The following SLC25A25 variants were observed in gnomAD, a reference collection of about 807,000 sequenced individuals.
The protein encoded by SLC25A25 is solute carrier family 25 member 25, also known as mitochondrial adenyl nucleotide antiporter SLC25A25.
A neutral mutation model predicts 57.7 loss-of-function variants in SLC25A25; 32 were observed. That is an observed-to-expected ratio of 0.55 (90% CI 0.42 to 0.74). The LOEUF is 0.74. SLC25A25 is among the 30% of genes least tolerant of loss of function. The pLI is 0.00. For synonymous variants in SLC25A25, 306 were observed against 291.2 expected (o/e 1.05, Z -0.52); for missense variants, 556 against 701.3 (o/e 0.79, Z 2.34).
intron 1 of SLC25A25, among the ~76,000 whole-genome samples, chr9:128,093,537 G>T (rs920951317): frequency 6.6e-6 from 1 of 152,226 alleles, no homozygotes; most frequent in Non-Finnish European, 1.5e-5. Context: ...TTCCTGGCCT[G>T]CAGAATCAAG....
At chr9:128,087,140 G>T (rs1314595446) in intron 1 of SLC25A25, among the ~76,000 whole-genome samples, 1 of 150,180 alleles carries the variant, frequency 6.7e-6, no homozygotes, top group South Asian at 2.2e-4. Context: ...GCTTGAACCC[G>T]GAAGGCAGAG....
intron 1 of SLC25A25, among the ~76,000 whole-genome samples, chr9:128,088,886 CTT>C (rs928814094): frequency 5.3e-5 from 8 of 152,128 alleles, no homozygotes; most frequent in South Asian, 2.1e-4. Context: ...TCTGGCCAGA[CTT>C]TCTGTGCCTA....
At chr9:128,069,156 C>T (rs1015252047) in intron 1 of SLC25A25, among the ~76,000 whole-genome samples, 18 of 152,326 alleles carry the variant, frequency 1.2e-4, no homozygotes, top group African/African-American at 4.1e-4. Flanking sequence ...ATCGTGATCC[C>T]CGCGGGGTTG....
chr9:128,099,847 A>G lies in SLC25A25; in HGVS notation c.262-1249A>G, dbSNP rs1468547040. ...GCTAGCCAGTGGGCCATCCATTTCC[A>G]AACCCCAGCTGGCTGTCAGTTGATT... On this transcript the variant is annotated intron_variant, in intron 1 of 10. Coordinates refer to ENST00000373069, the MANE Select transcript of SLC25A25 (RefSeq NM_001330988.2). This position sits in a 1 kb window ranked among gnomAD's most constrained non-coding sequence, Gnocchi z 6.8. Among the ~76,000 whole-genome samples, 1 of 152,160 alleles carries G rather than the reference A, an allele frequency of 6.6e-6. No individual in the cohort carries two copies. The highest frequency in any genetic ancestry group is 1.5e-5 in the Non-Finnish European group (1 of 68,040).
chr9:128,078,791 C>G (rs2023028996), intron 1 of SLC25A25, among the ~76,000 whole-genome samples: 2 of 152,186 alleles, frequency 1.3e-5, no homozygotes, highest in Admixed American at 6.5e-5. Context: ...GCTTGGAGGC[C>G]AAGCCAGTTC....
intron 1 of SLC25A25, among the ~76,000 whole-genome samples, chr9:128,080,236 A>C (rs1337815770): frequency 3.5e-5 from 2 of 56,626 alleles, no homozygotes; most frequent in Non-Finnish European, 5.4e-5. Context: ...ATCTAAAAAA[A>C]AAAAACAAAA....
At chr9:128,098,748 A>T (rs762117181) in intron 1 of SLC25A25, 1 of 1,612,212 alleles carries the variant, frequency 6.2e-7, no homozygotes, top group Non-Finnish European at 8.5e-7. Context: ...ACCGCGCGGA[A>T]GGGAGAGGCG....
At chr9:128,069,747 A>C (rs960478521) in intron 1 of SLC25A25, among the ~76,000 whole-genome samples, 4 of 151,994 alleles carry the variant, frequency 2.6e-5, no homozygotes, top group Admixed American at 2.0e-4. Flanking sequence ...TTTAGAGACA[A>C]GTTTTTTTTG....
chr9:128,088,955 C>T (rs1314263718), intron 1 of SLC25A25, among the ~76,000 whole-genome samples: 1 of 152,180 alleles, frequency 6.6e-6, no homozygotes, highest in Non-Finnish European at 1.5e-5. Context: ...GGCAGGGTCT[C>T]ACTCTGTCAG....
chr9:128,098,564 A>C (rs1378905943), intron 1 of SLC25A25: 1 of 1,611,008 alleles, frequency 6.2e-7, no homozygotes, highest in East Asian at 2.2e-5. Context: ...GCAGGCCGCC[A>C]ACATGCTCTG....
At chr9:128,074,474 C>T (rs1310004970) in intron 1 of SLC25A25, among the ~76,000 whole-genome samples, 3 of 151,154 alleles carry the variant, frequency 2.0e-5, no homozygotes, top group Admixed American at 1.3e-4. Context: ...TTTGGGAGGT[C>T]GAGGCAGGTG....
intron 1 of SLC25A25, chr9:128,098,247 A>C: frequency 4.2e-6 from 1 of 236,586 alleles, no homozygotes; most frequent in Admixed American, 5.5e-5. Flanking sequence ...CCTGGTACCC[A>C]GGCAGGCAGA....
At chr9:128,100,202 GT>G (rs1833731524) in intron 1 of SLC25A25, among the ~76,000 whole-genome samples, 1 of 150,470 alleles carries the variant, frequency 6.6e-6, no homozygotes, top group Non-Finnish European at 1.5e-5. Flanking sequence ...TGCGAGGGGG[GT>G]AAGTGGGTTG....
At position 128,107,864 on chromosome 9, in the gene SLC25A25, G is replaced by A. The variant is rs922414378; in HGVS notation, c.*420G>A. ...CCCTGTGCCCTCTTGCTGCCTGCCT[G>A]TCTGCTGAGGTAAGGTGGGAGGAGG... On this transcript the variant is annotated 3_prime_UTR_variant, in exon 11 of 11. Coordinates refer to ENST00000373069, the MANE Select transcript of SLC25A25 (RefSeq NM_001330988.2). 2.5e-6 allele frequency: 1 copy of A among 401,448 alleles called. No individual in the cohort carries two copies. The highest frequency in any genetic ancestry group is 4.4e-6 in the Non-Finnish European group (1 of 228,086). The allele number at this position is 401,448 out of a possible 1,614,324, so 24.9% of individuals were successfully genotyped here. A position where few individuals can be genotyped will look rare whatever the true frequency, so the allele number is the denominator to read the frequency against.
In SLC25A25 at chr9:128,108,296, T is replaced by A; in HGVS notation, c.*852T>A. 1 of 399,048 alleles carries A rather than the reference T, an allele frequency of 2.5e-6. No individual in the cohort carries two copies. The highest frequency in any genetic ancestry group is 4.4e-5 in the Admixed American group (1 of 22,728). 24.7% of individuals were successfully genotyped at this position (399,048 alleles called of 1,614,324 possible). On this transcript the variant is annotated 3_prime_UTR_variant, in exon 11 of 11. Transcript: ENST00000373069. Reference sequence around the variant, plus strand: ...GTTCTGGGGAGGGAAGGAAAAGGTGTTGGAGGCCTTAATTATGGACTGTTG... The same window carrying A: ...GTTCTGGGGAGGGAAGGAAAAGGTGATGGAGGCCTTAATTATGGACTGTTG...
chr9:128,107,186 C>G lies in SLC25A25; in HGVS notation c.1363+7C>G. The stretch of plus-strand genomic sequence containing the variant: ...ACCCGGATGCAGGCGCAAGGTAAGG[C>G]TGGCCCTGGACAGTCCCCTGGGAGG... On this transcript the variant is annotated splice_region_variant and intron_variant, in intron 10 of 10. Transcript: ENST00000373069. 1 of 1,613,646 alleles carries G rather than the reference C, an allele frequency of 6.2e-7. No homozygotes were observed. The highest frequency in any genetic ancestry group is 8.5e-7 in the Non-Finnish European group (1 of 1,179,946).
intron 7 of SLC25A25, 74 bp downstream of exon 7, chr9:128,105,955 G>A: frequency 1.9e-6 from 3 of 1,578,818 alleles, no homozygotes; most frequent in Non-Finnish European, 2.6e-6. Context: ...CTTTCCCTGG[G>A]CTGAGCTCCC....
rs1833773863 is a variant in SLC25A25 at position 128,101,110 on chromosome 9, T to C, written c.276T>C (p.Ala92=). The part of the protein sequence containing the change: ...TEGELQKIVQ[A]GDKDLDGQLD... Reference sequence around the variant, plus strand: ...TTCTTTTCTAGAAAATTGTACAAGCTGGAGATAAGGACCTTGATGGGCAGC... The same window carrying C: ...TTCTTTTCTAGAAAATTGTACAAGCCGGAGATAAGGACCTTGATGGGCAGC... Residue 92 remains alanine, a synonymous_variant, in exon 2 of 11, where the codon GCT becomes GCC. Coordinates refer to ENST00000373069, the MANE Select transcript of SLC25A25 (RefSeq NM_001330988.2). This position sits in a 1 kb window ranked among gnomAD's most constrained non-coding sequence, Gnocchi z 4.9. 2.5e-6 allele frequency: 4 copies of C among 1,614,248 alleles called. No individual in the cohort carries two copies. The highest frequency in any genetic ancestry group is 1.7e-5 in the Admixed American group (1 of 60,028).
At chr9:128,098,528 C>T (rs367597539) in intron 1 of SLC25A25, 6 of 1,575,842 alleles carry the variant, frequency 3.8e-6, no homozygotes, top group African/African-American at 1.4e-5. Context: ...AACTTGCTCC[C>T]GGTGGTGAGG....
Sources: gnomAD v4.1 joint callset for allele counts (sites outside exome capture counted in the v4.1 genomes callset) on GRCh38, gnomAD v4.1.1 for gene constraint, Gnocchi (gnomAD v3.1) non-coding constraint, MANE v1.5 for transcripts, NCBI Gene and HGNC (gene_info 2026-07-23, HGNC 2026-07-21) for gene names.